DLGAP2: variants seen among roughly 807,000 people sequenced by gnomAD.
The protein encoded by DLGAP2 is disks large-associated protein 2.
In DLGAP2, 26 loss-of-function variants were observed where a neutral mutation model predicts 100.3. The observed-to-expected ratio is 0.26, with a 90% CI of 0.19 to 0.36. The LOEUF (loss-of-function observed/expected upper bound fraction) is 0.36. Among genes scored for constraint, DLGAP2 ranks in the 10% least tolerant of loss-of-function variants. DLGAP2 has a pLI of 1.00. For missense variants in DLGAP2, 1,858 were observed against 1,453.2 expected, an observed-to-expected ratio of 1.28 and a Z score of -4.53; for synonymous variants, 886 against 630.1, an observed-to-expected ratio of 1.41 and a Z score of -6.08.
At chr8:881,371 G>T (rs1373849850) in intron 1 of DLGAP2, among the ~76,000 whole-genome samples, 1 of 152,022 alleles carries the variant, frequency 6.6e-6, no homozygotes, top group Non-Finnish European at 1.5e-5. Context: ...TGTAAATAGA[G>T]ATTCTTATTT....
At chr8:1,340,726 G>C (rs764429559) in intron 3 of DLGAP2, among the ~76,000 whole-genome samples, 1 of 152,112 alleles carries the variant, frequency 6.6e-6, no homozygotes, top group African/African-American at 2.4e-5. Flanking sequence ...GCCATTAGTG[G>C]GTATAGACCC....
intron 1 of DLGAP2, among the ~76,000 whole-genome samples, chr8:755,663 C>G (rs772874543): frequency 6.6e-6 from 1 of 152,000 alleles, no homozygotes; most frequent in Non-Finnish European, 1.5e-5. Flanking sequence ...AGGGGTGGAG[C>G]TCTTTGTGAA....
At chr8:1,541,761 T>G (rs1401303144) in intron 4 of DLGAP2, among the ~76,000 whole-genome samples, 1 of 152,238 alleles carries the variant, frequency 6.6e-6, no homozygotes, top group African/African-American at 2.4e-5. Context: ...CATCAGCCAT[T>G]TGTGTGTAAC....
rs78569938 is a variant in DLGAP2, at chr8:1,017,769, G to T, written c.73+109803G>T. Among the ~76,000 whole-genome samples the T allele has an allele frequency of 1.2e-3, 184 of 152,124 alleles. 1 individual carries two copies. Among genetic ancestry groups the T allele is most frequent in the African/African-American group, 4.2e-3 (175 of 41,382 alleles). ...GCAAGGGGCCTGCCGTGGGCGGGTA[G>T]ACTCGTCTGAGTGCAAGTGGCCACC... On this transcript the variant is annotated intron_variant, in intron 2 of 14. Coordinates refer to ENST00000637795, the MANE Select transcript of DLGAP2 (RefSeq NM_001346810.2).
At chr8:1,353,194 C>T (rs115254504) in intron 3 of DLGAP2, among the ~76,000 whole-genome samples, 2 of 152,192 alleles carry the variant, frequency 1.3e-5, no homozygotes, top group African/African-American at 2.4e-5. Context: ...TAAGGATGTC[C>T]TGCATTAGCT....
chr8:1,128,103 G>T (rs754633427), intron 2 of DLGAP2, among the ~76,000 whole-genome samples: 1 of 151,804 alleles, frequency 6.6e-6, no homozygotes, highest in Admixed American at 6.6e-5. Flanking sequence ...CCTGCTCCCC[G>T]TGTTGTGTTC....
chr8:1,383,586 G>A (rs563723234), intron 3 of DLGAP2, among the ~76,000 whole-genome samples: 1 of 152,260 alleles, frequency 6.6e-6, no homozygotes, highest in Non-Finnish European at 1.5e-5. Flanking sequence ...TTGTATTTTT[G>A]GGGAGGCTCA....
chr8:1,641,919 T>A (rs866688127), intron 8 of DLGAP2, among the ~76,000 whole-genome samples: 2 of 102,932 alleles, frequency 1.9e-5, no homozygotes, highest in South Asian at 3.7e-4. Flanking sequence ...CCGCCGGCCC[T>A]CACCTGTGTC....
intron 2 of DLGAP2, among the ~76,000 whole-genome samples, chr8:1,201,393 G>C (rs1212615524): frequency 6.6e-6 from 1 of 152,180 alleles, no homozygotes; most frequent in African/African-American, 2.4e-5. Context: ...GGGAAGGGAC[G>C]GCCTTCTGTT....
At chr8:1,232,704 A>G (rs1203666118) in intron 2 of DLGAP2, among the ~76,000 whole-genome samples, 1 of 152,232 alleles carries the variant, frequency 6.6e-6, no homozygotes, top group African/African-American at 2.4e-5. Flanking sequence ...TCAACACAAG[A>G]CAAGGTGCAT....
At chr8:1,245,383 T>A (rs1474645430) in intron 2 of DLGAP2, among the ~76,000 whole-genome samples, 1 of 152,160 alleles carries the variant, frequency 6.6e-6, no homozygotes, top group East Asian at 1.9e-4. Context: ...TATGCTGTGG[T>A]CCATCCATGC....
chr8:961,273 C>T (rs918963032), intron 2 of DLGAP2, among the ~76,000 whole-genome samples: 1 of 152,224 alleles, frequency 6.6e-6, no homozygotes. Context: ...TTGACCCCTT[C>T]AGTCATTCCA....
chr8:1,483,060 C>T (rs776134981), intron 3 of DLGAP2, among the ~76,000 whole-genome samples: 1 of 152,134 alleles, frequency 6.6e-6, no homozygotes, highest in Admixed American at 6.5e-5. Flanking sequence ...CCGGCGCGCG[C>T]GGCCGGAGAG....
chr8:1,673,749 AAG>A (rs1798745700), intron 10 of DLGAP2, among the ~76,000 whole-genome samples: 2 of 152,210 alleles, frequency 1.3e-5, no homozygotes, highest in African/African-American at 4.8e-5. Flanking sequence ...CAAAATTTAA[AAG>A]AGTTTCCTAA....
intron 2 of DLGAP2, among the ~76,000 whole-genome samples, chr8:946,547 G>T (rs915583549): frequency 6.6e-6 from 1 of 152,200 alleles, no homozygotes; most frequent in Non-Finnish European, 1.5e-5. Flanking sequence ...ACAGGCGTGA[G>T]CCACCGCGCC....
At chr8:1,418,937 G>A (rs140243803) in intron 3 of DLGAP2, among the ~76,000 whole-genome samples, 19 of 152,274 alleles carry the variant, frequency 1.2e-4, no homozygotes, top group East Asian at 3.9e-4. Flanking sequence ...CACAGAACTC[G>A]GGGAAACACT....
intron 2 of DLGAP2, among the ~76,000 whole-genome samples, chr8:971,535 T>A (rs1369567904): frequency 6.6e-6 from 1 of 152,130 alleles, no homozygotes; most frequent in Admixed American, 6.5e-5. Flanking sequence ...GAAACCACAT[T>A]GTCAAAGTGC....
intron 1 of DLGAP2, among the ~76,000 whole-genome samples, chr8:747,330 C>A (rs991415184): frequency 1.3e-5 from 2 of 152,024 alleles, no homozygotes; most frequent in African/African-American, 4.8e-5. Context: ...TGAAAACCAT[C>A]GAGCCGTAGT....
chr8:759,107 GACAGCCTTCCCA>G lies in DLGAP2; in HGVS notation c.18+21283_18+21294del, dbSNP rs1563415529. ...CAGCCTTCCTGTTATCAATACCCCC[GACAGCCTTCCCA>G]TTATCAATACCCCTGACAGCTTTCC... is the stretch of plus-strand genomic sequence containing the variant. On this transcript the variant is annotated intron_variant, in intron 1 of 14. Coordinates refer to ENST00000637795, the MANE Select transcript of DLGAP2 (RefSeq NM_001346810.2). Among the ~76,000 whole-genome samples, 30 of 26,798 alleles carry G rather than the reference GACAGCCTTCCCA, an allele frequency of 1.1e-3. 1 individual carries two copies. Among genetic ancestry groups the G allele is most frequent in the African/African-American group, 5.1e-3 (30 of 5,848 alleles). 17.6% of individuals were successfully genotyped at this position (26,798 alleles called of 152,430 possible). A position where few individuals can be genotyped will look rare whatever the true frequency, so the allele number is the denominator to read the frequency against.
Sources: allele counts gnomAD v4.1 joint callset (sites outside exome capture counted in the v4.1 genomes callset), GRCh38; gene constraint gnomAD v4.1.1; transcripts MANE v1.5; gene names NCBI Gene and HGNC (gene_info 2026-07-23, HGNC 2026-07-21).